The following DPP10 variants were observed in gnomAD, a reference collection of about 807,000 sequenced individuals.
DPP10 encodes the protein dipeptidyl peptidase like 10.
In DPP10, 33 loss-of-function variants were observed where a neutral mutation model predicts 120.9. The observed-to-expected ratio is 0.27, with a 90% confidence interval of 0.21 to 0.37. DPP10 has a LOEUF of 0.37. Among genes scored for constraint, DPP10 ranks in the 10% least tolerant of loss-of-function variants. The pLI is 1.00. For missense variants in DPP10, 816 were observed against 942.8 expected (o/e 0.87, Z 1.76); for synonymous variants, 337 against 326.1 (o/e 1.03, Z -0.36).
chr2:114,817,342 A>G (rs1339464506), intron 1 of DPP10, among the ~76,000 whole-genome samples: 1 of 151,512 alleles, frequency 6.6e-6, no homozygotes, highest in Admixed American at 6.6e-5. Flanking sequence ...ATTTAACCAA[A>G]GAGATGTTAA....
intron 1 of DPP10, among the ~76,000 whole-genome samples, chr2:114,622,634 C>T (rs896175243): frequency 2.0e-5 from 3 of 152,016 alleles, no homozygotes; most frequent in South Asian, 2.1e-4. Flanking sequence ...AAATAAGCCT[C>T]GCTGAACACA....
rs570429183 is a variant in DPP10, at chr2:115,328,893, G to A, written c.176-14924G>A. Among the ~76,000 whole-genome samples, 11 of 152,110 alleles carry A rather than the reference G, an allele frequency of 7.2e-5. No individual in the cohort carries two copies. In the South Asian group the frequency reaches 8.3e-4, roughly 11 times the overall value. ...ACCAAAGAGATACCTGCTAGTGAAG[G>A]GTTGAATTAGGACTAAAATATGACC... is the stretch of plus-strand genomic sequence containing the variant. On this transcript the variant is annotated intron_variant, in intron 2 of 25. Coordinates refer to ENST00000410059, the MANE Select transcript of DPP10 (RefSeq NM_020868.6).
At chr2:115,434,194 G>A (rs894364548) in intron 3 of DPP10, among the ~76,000 whole-genome samples, 2 of 151,776 alleles carry the variant, frequency 1.3e-5, no homozygotes, top group Non-Finnish European at 2.9e-5. Context: ...AAGATGCTGT[G>A]GTACGAAATT....
intron 2 of DPP10, among the ~76,000 whole-genome samples, chr2:115,312,325 A>G (rs1376928819): frequency 6.6e-6 from 1 of 152,120 alleles, no homozygotes; most frequent in Non-Finnish European, 1.5e-5. Context: ...TAGTGGTTAG[A>G]AATTTGAGTT....
In DPP10 at chr2:114,907,140, T is replaced by TA. The variant is rs35061861; in HGVS notation, c.61-402090dup. 4.7e-4 allele frequency among the ~76,000 whole-genome samples: 72 copies of TA among 151,600 alleles called. 3 individuals are homozygous for TA. The South Asian group carries it at 9.1e-3, about 19-fold the overall frequency. On this transcript the variant is annotated intron_variant, in intron 1 of 25. Coordinates refer to ENST00000410059, the MANE Select transcript of DPP10 (RefSeq NM_020868.6). Reference sequence around the variant, plus strand: ...TTTTTATAGTATTCACTTTCATATTTAAAAAAAAATATTTCTGTAAGGTCA... The same window carrying TA: ...TTTTTATAGTATTCACTTTCATATTTAAAAAAAAAATATTTCTGTAAGGTCA...
intron 5 of DPP10, among the ~76,000 whole-genome samples, chr2:115,605,631 T>G (rs2149233599): frequency 6.6e-6 from 1 of 152,218 alleles, no homozygotes; most frequent in African/African-American, 2.4e-5. Flanking sequence ...AGCAAATTTC[T>G]ATTAATTGTC....
At chr2:115,305,558 C>T (rs946711412) in intron 1 of DPP10, among the ~76,000 whole-genome samples, 25 of 151,700 alleles carry the variant, frequency 1.6e-4, no homozygotes, top group African/African-American at 5.8e-4. Context: ...CATAGAAGAC[C>T]TCGTCTTTAC....
intron 1 of DPP10, among the ~76,000 whole-genome samples, chr2:115,080,956 T>G (rs1030725215): frequency 6.6e-6 from 1 of 152,238 alleles, no homozygotes; most frequent in African/African-American, 2.4e-5. Context: ...TGTCTGACTT[T>G]GTTGCTGTTG....
chr2:115,329,751 A>C (rs1355579658), intron 2 of DPP10, among the ~76,000 whole-genome samples: 1 of 152,090 alleles, frequency 6.6e-6, no homozygotes, highest in Non-Finnish European at 1.5e-5. Flanking sequence ...CCATGTCCCT[A>C]CAAAGGATAT....
chr2:114,848,915 G>A (rs1688743565), intron 1 of DPP10, among the ~76,000 whole-genome samples: 1 of 152,172 alleles, frequency 6.6e-6, no homozygotes, highest in African/African-American at 2.4e-5. Context: ...GGTCTGGCAA[G>A]TTCAATATCT....
intron 4 of DPP10, among the ~76,000 whole-genome samples, chr2:115,513,440 G>A (rs2077337975): frequency 6.6e-6 from 1 of 151,726 alleles, no homozygotes; most frequent in Non-Finnish European, 1.5e-5. Flanking sequence ...CATATCATAT[G>A]TCATTTTTGT....
rs1284697750 is a variant in DPP10, at chr2:114,781,656, G to T, written c.60+338818G>T. On this transcript the variant is annotated intron_variant, in intron 1 of 25. Transcript: ENST00000410059. Reference sequence around the variant, plus strand: ...CTCTTCACCCTAACAGCCTACATATGTGGGAAAGGGAAGCAGGGCATATCT... The same window carrying T: ...CTCTTCACCCTAACAGCCTACATATTTGGGAAAGGGAAGCAGGGCATATCT... Among the ~76,000 whole-genome samples the T allele has an allele frequency of 2.6e-5, 4 of 152,194 alleles. No homozygotes were observed. In the South Asian group the frequency reaches 6.2e-4, roughly 24 times the overall value.
intron 11 of DPP10, among the ~76,000 whole-genome samples, chr2:115,762,020 C>T (rs1680175497): frequency 6.6e-6 from 1 of 152,030 alleles, no homozygotes; most frequent in African/African-American, 2.4e-5. Flanking sequence ...ATGATTTTGG[C>T]TCTGATCTAC....
At chr2:114,965,759 A>G (rs574949591) in intron 1 of DPP10, among the ~76,000 whole-genome samples, 1 of 151,968 alleles carries the variant, frequency 6.6e-6, no homozygotes, top group Admixed American at 6.6e-5. Flanking sequence ...TGGGCGGATC[A>G]CGAGGTCAGG....
intron 1 of DPP10, among the ~76,000 whole-genome samples, chr2:114,988,318 ATGT>A (rs1466529708): frequency 1.3e-5 from 2 of 152,212 alleles, no homozygotes; most frequent in Non-Finnish European, 2.9e-5. Flanking sequence ...GTCCACACCT[ATGT>A]GGTATCAAAT....
chr2:115,003,257 AC>A (rs1381027428), intron 1 of DPP10, among the ~76,000 whole-genome samples: 9 of 152,048 alleles, frequency 5.9e-5, no homozygotes, highest in Non-Finnish European at 1.3e-4. Flanking sequence ...AGGCAAACAA[AC>A]AAAGGAACAA....
At chr2:115,458,271 A>T (rs958022884) in intron 3 of DPP10, among the ~76,000 whole-genome samples, 3 of 152,192 alleles carry the variant, frequency 2.0e-5, no homozygotes, top group African/African-American at 7.2e-5. Context: ...TATGGACTGG[A>T]GGAAATTCTC....
intron 1 of DPP10, among the ~76,000 whole-genome samples, chr2:114,779,480 A>G (rs1682077517): frequency 6.6e-6 from 1 of 152,160 alleles, no homozygotes; most frequent in African/African-American, 2.4e-5. Flanking sequence ...CTGATTTTTC[A>G]GAGGACCTAT....
intron 2 of DPP10, among the ~76,000 whole-genome samples, chr2:115,318,724 G>A (rs182061538): frequency 1.3e-5 from 2 of 151,984 alleles, no homozygotes; most frequent in Non-Finnish European, 2.9e-5. Flanking sequence ...AATCATTGTT[G>A]GTATACAGAA....
Sources: allele counts gnomAD v4.1 joint callset (sites outside exome capture counted in the v4.1 genomes callset), GRCh38; gene constraint gnomAD v4.1.1; transcripts MANE v1.5; gene names NCBI Gene and HGNC (gene_info 2026-07-23, HGNC 2026-07-21).